Variants in PTPRD observed in about 807,000 individuals in gnomAD.
The protein encoded by PTPRD is protein tyrosine phosphatase receptor type D, also known as receptor-type tyrosine-protein phosphatase delta.
PTPRD carries 34 observed loss-of-function variants against 214.5 expected under a neutral mutation model. That is an observed-to-expected ratio of 0.16 (90% CI 0.12 to 0.21). PTPRD has a LOEUF of 0.21. PTPRD is among the 10% of genes least tolerant of loss of function. PTPRD has a pLI of 1.00. For missense variants in PTPRD, 2,545 were observed against 2,398.7 expected (o/e 1.06, Z -1.27); for synonymous variants, 1,128 against 845.7 (o/e 1.33, Z -5.79).
chr9:8,469,219 C>T (rs1252724485), intron 31 of PTPRD, among the ~76,000 whole-genome samples: 3 of 151,938 alleles, frequency 2.0e-5, no homozygotes, highest in Non-Finnish European at 4.4e-5. Flanking sequence ...GTCATATAGC[C>T]CTATACTTTA....
At chr9:8,331,069 C>A (rs753588938) in intron 44 of PTPRD, among the ~76,000 whole-genome samples, 1 of 147,464 alleles carries the variant, frequency 6.8e-6, no homozygotes, top group Non-Finnish European at 1.5e-5. Context: ...AAATAATTAA[C>A]TTGAAGGTGC....
intron 3 of PTPRD, among the ~76,000 whole-genome samples, chr9:10,053,194 T>C (rs928241263): frequency 1.3e-5 from 2 of 152,186 alleles, no homozygotes; most frequent in Admixed American, 6.6e-5. Flanking sequence ...GGATGATTTA[T>C]TGTTAATAAA....
chr9:10,254,628 A>G (rs1003081306), intron 3 of PTPRD, among the ~76,000 whole-genome samples: 7 of 152,184 alleles, frequency 4.6e-5, no homozygotes, highest in Non-Finnish European at 8.8e-5. Flanking sequence ...CAGTCCTCAC[A>G]TTACAAATAG....
At chr9:9,531,821 G>C (rs562819255) in intron 8 of PTPRD, among the ~76,000 whole-genome samples, 18 of 152,120 alleles carry the variant, frequency 1.2e-4, no homozygotes, top group African/African-American at 3.6e-4. Flanking sequence ...ACTGAGAACA[G>C]TTCTTTTTAA....
intron 5 of PTPRD, among the ~76,000 whole-genome samples, chr9:9,778,594 T>C (rs2098818010): frequency 6.6e-6 from 1 of 152,140 alleles, no homozygotes; most frequent in South Asian, 2.1e-4. Flanking sequence ...TGTCTGCCCC[T>C]CCCATGCTCC....
chr9:9,659,468 C>A (rs937555440), intron 7 of PTPRD, among the ~76,000 whole-genome samples: 1 of 151,944 alleles, frequency 6.6e-6, no homozygotes, highest in African/African-American at 2.4e-5. Context: ...ACCTTAACGC[C>A]AGGGCTATAC....
intron 7 of PTPRD, among the ~76,000 whole-genome samples, chr9:9,699,725 G>A (rs553035072): frequency 5.3e-4 from 81 of 152,226 alleles, no homozygotes; most frequent in Admixed American, 1.4e-3. Flanking sequence ...AAGAGGGACC[G>A]TTAAAGTTTT....
At chr9:9,417,159 A>G (rs2077233300) in intron 8 of PTPRD, among the ~76,000 whole-genome samples, 1 of 152,156 alleles carries the variant, frequency 6.6e-6, no homozygotes, top group South Asian at 2.1e-4. Context: ...TGCTTCAGCT[A>G]TAAAATTGGT....
chr9:9,495,971 C>A (rs1291878226), intron 8 of PTPRD, among the ~76,000 whole-genome samples: 2 of 152,178 alleles, frequency 1.3e-5, no homozygotes, highest in South Asian at 4.1e-4. Flanking sequence ...TCAGGCCCCG[C>A]ATGAAGCTTG....
chr9:9,913,688 C>T (rs1045051938), intron 5 of PTPRD, among the ~76,000 whole-genome samples: 2 of 152,084 alleles, frequency 1.3e-5, no homozygotes, highest in African/African-American at 4.8e-5. Context: ...CCCACAAGCC[C>T]CATTGCCTAT....
intron 2 of PTPRD, among the ~76,000 whole-genome samples, chr9:10,449,915 G>T (rs1232714101): frequency 1.3e-5 from 2 of 151,748 alleles, no homozygotes; most frequent in East Asian, 3.8e-4. Flanking sequence ...CTTCTGCCTT[G>T]GGATGCTGTT....
chr9:10,163,926 A>G (rs2099143560), intron 3 of PTPRD, among the ~76,000 whole-genome samples: 1 of 151,386 alleles, frequency 6.6e-6, no homozygotes, highest in Non-Finnish European at 1.5e-5. Flanking sequence ...ATATTTTGCC[A>G]TTTATTTTCA....
At chr9:10,292,606 G>T in intron 3 of PTPRD, among the ~76,000 whole-genome samples, 1 of 151,952 alleles carries the variant, frequency 6.6e-6, no homozygotes, top group African/African-American at 2.4e-5. Context: ...TGTTATTTTT[G>T]GGCAATCTTA....
At chr9:9,934,256 C>T (rs2088156383) in intron 5 of PTPRD, among the ~76,000 whole-genome samples, 3 of 146,240 alleles carry the variant, frequency 2.1e-5, no homozygotes, top group Admixed American at 6.7e-5. Flanking sequence ...AATAGAGACA[C>T]AAAAAACCCT....
chr9:8,855,288 G>T (rs1043930146), intron 11 of PTPRD, among the ~76,000 whole-genome samples: 4 of 151,996 alleles, frequency 2.6e-5, no homozygotes, highest in African/African-American at 9.7e-5. Flanking sequence ...AGATATTCTG[G>T]ATTTAAATAA....
At chr9:9,908,136 T>A (rs4740999) in intron 5 of PTPRD, among the ~76,000 whole-genome samples, 50,085 of 151,218 alleles carry the variant, frequency 0.33, 8,777 homozygotes, top group East Asian at 0.5. Context: ...AAAAAAAGTA[T>A]CTAGTTGGGC....
chr9:9,843,665 G>C (rs936333116), intron 5 of PTPRD, among the ~76,000 whole-genome samples: 1 of 151,752 alleles, frequency 6.6e-6, no homozygotes, highest in East Asian at 1.9e-4. Context: ...AATATTTCTC[G>C]ATCTTTGAAA....
At chr9:10,200,401 T>C (rs571912215) in intron 3 of PTPRD, among the ~76,000 whole-genome samples, 7 of 152,208 alleles carry the variant, frequency 4.6e-5, no homozygotes, top group African/African-American at 1.7e-4. Flanking sequence ...AAGATGCTAT[T>C]GACAGTTAAT....
chr9:9,552,828 G>A (rs959505384), intron 8 of PTPRD, among the ~76,000 whole-genome samples: 3 of 152,188 alleles, frequency 2.0e-5, no homozygotes, highest in South Asian at 4.1e-4. Context: ...CAATTGAAAA[G>A]TCATTTGCTG....
Sources: allele counts gnomAD v4.1 joint callset (sites outside exome capture counted in the v4.1 genomes callset), GRCh38; gene constraint gnomAD v4.1.1; transcripts MANE v1.5; gene names NCBI Gene and HGNC (gene_info 2026-07-23, HGNC 2026-07-21).